EBF1: variants seen among roughly 807,000 people sequenced by gnomAD.
The protein encoded by EBF1 is EBF transcription factor 1, also known as transcription factor COE1.
In EBF1, 10 loss-of-function variants were observed where a neutral mutation model predicts 68.4. The observed-to-expected ratio is 0.15, with a 90% CI of 0.09 to 0.25. The LOEUF (loss-of-function observed/expected upper bound fraction) is 0.25. Ranked by LOEUF, EBF1 falls within the 10% of genes least tolerant of loss-of-function variation. The pLI is 1.00. For synonymous variants in EBF1, 298 were observed against 299.8 expected (o/e 0.99, Z 0.06); for missense variants, 509 against 794.4 (o/e 0.64, Z 4.32).
chr5:158,813,235 A>G (rs986277389), intron 8 of EBF1, among the ~76,000 whole-genome samples: 3 of 152,144 alleles, frequency 2.0e-5, no homozygotes, highest in African/African-American at 7.2e-5. Context: ...TTGAAGTTGG[A>G]GTTATTGTTT....
chr5:158,700,921 G>T (rs1756613494), intron 15 of EBF1, among the ~76,000 whole-genome samples: 1 of 152,180 alleles, frequency 6.6e-6, no homozygotes, highest in Admixed American at 6.5e-5. Flanking sequence ...AGTTGGAAAT[G>T]CAGTCCCCCT....
chr5:159,004,439 C>A (rs1763156443), intron 6 of EBF1, among the ~76,000 whole-genome samples: 1 of 152,126 alleles, frequency 6.6e-6, no homozygotes, highest in Admixed American at 6.6e-5. Flanking sequence ...TAAGGTTCAA[C>A]AGCTCTGACT....
chr5:158,899,875 T>C (rs192633572), intron 6 of EBF1, among the ~76,000 whole-genome samples: 5 of 152,310 alleles, frequency 3.3e-5, no homozygotes, highest in Non-Finnish European at 7.4e-5. Context: ...CTTCTCTTCC[T>C]ACCACCCCCT....
chr5:158,883,064 C>G (rs1437447430), intron 6 of EBF1, among the ~76,000 whole-genome samples: 1 of 151,858 alleles, frequency 6.6e-6, no homozygotes, highest in African/African-American at 2.4e-5. Flanking sequence ...TGCCTGCAGC[C>G]ATTTTGATCC....
chr5:158,971,020 G>A (rs183911664), intron 6 of EBF1, among the ~76,000 whole-genome samples: 1 of 152,324 alleles, frequency 6.6e-6, no homozygotes, highest in African/African-American at 2.4e-5. Context: ...GATTGCAGGA[G>A]CTTCTGGTAG....
At chr5:158,826,034 G>A (rs956832079) in intron 7 of EBF1, among the ~76,000 whole-genome samples, 1 of 151,994 alleles carries the variant, frequency 6.6e-6, no homozygotes, top group African/African-American at 2.4e-5. Context: ...TAATTAATAA[G>A]GTGCTGACAC....
chr5:159,021,520 A>G (rs1344096763), intron 6 of EBF1, among the ~76,000 whole-genome samples: 1 of 152,232 alleles, frequency 6.6e-6, no homozygotes, highest in Non-Finnish European at 1.5e-5. Flanking sequence ...AGGTCAGGCA[A>G]AAGTACACAG....
chr5:158,742,945 T>G (rs1766738300), intron 10 of EBF1, among the ~76,000 whole-genome samples: 2 of 152,216 alleles, frequency 1.3e-5, no homozygotes, highest in Non-Finnish European at 2.9e-5. Context: ...GCAGGCTTGC[T>G]GTATACAAGG....
intron 6 of EBF1, 122 bp downstream of exon 6, chr5:159,073,274 G>T: frequency 1.0e-6 from 1 of 1,003,796 alleles, no homozygotes; most frequent in Non-Finnish European, 1.5e-6. Context: ...CACAGCGTAA[G>T]TCATGACCAA....
intron 6 of EBF1, among the ~76,000 whole-genome samples, chr5:158,896,224 G>A (rs570565124): frequency 9.9e-5 from 15 of 152,244 alleles, no homozygotes; most frequent in African/African-American, 3.1e-4. Context: ...TGTGGAGAAC[G>A]GATCACAGAA....
chr5:158,846,723 C>T (rs556191897), intron 6 of EBF1, among the ~76,000 whole-genome samples: 38 of 152,288 alleles, frequency 2.5e-4, no homozygotes, highest in African/African-American at 8.4e-4. Context: ...ATCTGATACC[C>T]ATAAGGCTGC....
At chr5:158,746,810 G>T (rs895083678) in intron 10 of EBF1, among the ~76,000 whole-genome samples, 3 of 152,180 alleles carry the variant, frequency 2.0e-5, no homozygotes, top group Non-Finnish European at 2.9e-5. Context: ...TTTTCAGAGG[G>T]CTGGGACATA....
intron 6 of EBF1, among the ~76,000 whole-genome samples, chr5:158,912,486 A>G (rs932910152): frequency 2.6e-5 from 4 of 152,212 alleles, no homozygotes; most frequent in African/African-American, 7.2e-5. Flanking sequence ...TTGCTGGATC[A>G]TAAAAATCAC....
chr5:159,044,259 A>T (rs1347592851), intron 6 of EBF1, among the ~76,000 whole-genome samples: 1 of 152,180 alleles, frequency 6.6e-6, no homozygotes, highest in Admixed American at 6.5e-5. Flanking sequence ...TTAGCAGAGG[A>T]TATTGGGCCC....
intron 6 of EBF1, among the ~76,000 whole-genome samples, chr5:159,020,813 A>G (rs1766531252): frequency 6.6e-6 from 1 of 152,236 alleles, no homozygotes; most frequent in African/African-American, 2.4e-5. Context: ...TGCTCAGAAA[A>G]TATATCTGAT....
intron 6 of EBF1, among the ~76,000 whole-genome samples, chr5:158,840,645 GTTTTT>G (rs534374216): frequency 4.6e-5 from 3 of 64,814 alleles, no homozygotes; most frequent in Admixed American, 2.5e-4. Flanking sequence ...AATACCTCCT[GTTTTT>G]TTTTTTTTTT....
chr5:159,018,626 A>G (rs1766071160), intron 6 of EBF1, among the ~76,000 whole-genome samples: 1 of 152,262 alleles, frequency 6.6e-6, no homozygotes, highest in African/African-American at 2.4e-5. Flanking sequence ...ATAATTTTAT[A>G]ACAGCTAACA....
chr5:158,786,325 A>G (rs1777438888), intron 9 of EBF1, among the ~76,000 whole-genome samples: 1 of 152,238 alleles, frequency 6.6e-6, no homozygotes, highest in African/African-American at 2.4e-5. Flanking sequence ...ATCTTTCAAA[A>G]TAACAGATTT....
chr5:158,969,896 GAAAGAAAGAAAGAAAGAAAGAAAAAAAA>G (rs1313984713), intron 6 of EBF1, among the ~76,000 whole-genome samples: 6 of 99,972 alleles, frequency 6.0e-5, no homozygotes, highest in South Asian at 3.3e-4. Flanking sequence ...AAGAAAGAAA[GAAAGAAAGAAAGAAAGAAAGAAAAAAAA>G]AAAAAAGGCT....
Sources: gnomAD v4.1 joint callset for allele counts (sites outside exome capture counted in the v4.1 genomes callset) on GRCh38, gnomAD v4.1.1 for gene constraint, MANE v1.5 for transcripts, NCBI Gene and HGNC (gene_info 2026-07-23, HGNC 2026-07-21) for gene names.